Variants in KCNH1 observed in about 807,000 individuals in gnomAD.
The protein encoded by KCNH1 is potassium voltage-gated channel subfamily H member 1.
KCNH1 carries 27 observed loss-of-function variants against 69.2 expected under a neutral mutation model. The ratio of observed to expected loss-of-function variants is 0.39; its 90% CI spans 0.29 to 0.54. The LOEUF (loss-of-function observed/expected upper bound fraction) is 0.54, where lower values mean the gene tolerates loss of function less well. KCNH1 is among the 20% of genes least tolerant of loss of function. KCNH1 has a pLI of 0.68. For missense variants in KCNH1, 798 were observed against 1,261.6 expected (o/e 0.63, Z 5.57); for synonymous variants, 456 against 487.7 (o/e 0.93, Z 0.86).
chr1:210,736,543 C>G (rs541761700), intron 10 of KCNH1, among the ~76,000 whole-genome samples: 11 of 151,608 alleles, frequency 7.3e-5, no homozygotes, highest in African/African-American at 2.7e-4. Flanking sequence ...AACTCCATCC[C>G]CCCTCCAAAA....
chr1:211,040,333 CTCCCAGAAT>C (rs1689971855), intron 5 of KCNH1, among the ~76,000 whole-genome samples: 1 of 152,120 alleles, frequency 6.6e-6, no homozygotes, highest in Admixed American at 6.5e-5. Context: ...TGAATTGTAT[CTCCCAGAAT>C]TCCCATGTGT....
At chr1:210,847,180 C>T (rs1391930037) in intron 7 of KCNH1, among the ~76,000 whole-genome samples, 6 of 152,178 alleles carry the variant, frequency 3.9e-5, no homozygotes, top group Non-Finnish European at 7.4e-5. Flanking sequence ...GGCGATTCCT[C>T]AGGGATCTGG....
rs182105097 is a variant in KCNH1 at position 210,905,073 on chromosome 1, G to C, written c.1462+14567C>G. On this transcript the variant is annotated intron_variant, in intron 7 of 10. Coordinates refer to ENST00000271751, the MANE Select transcript of KCNH1 (RefSeq NM_172362.3). ...AGAAGCAGAGGCAAAGTAGCAGCAC[G>C]AGAGGAAGAAGAGCCATCCCTGAAA... 6.8e-4 allele frequency among the ~76,000 whole-genome samples: 103 copies of C among 152,306 alleles called. No individual in the cohort carries two copies. The East Asian group carries it at 0.014, about 20-fold the overall frequency.
chr1:210,707,302 C>T (rs983142242), intron 10 of KCNH1, among the ~76,000 whole-genome samples: 4 of 152,124 alleles, frequency 2.6e-5, no homozygotes, highest in African/African-American at 9.7e-5. Flanking sequence ...GTCCCCATCT[C>T]CCCCAGCACT....
In KCNH1 at chr1:210,804,135, C is replaced by A; in HGVS notation, c.1494G>T (p.Val498=). ...CATACATCTGTTGGAAAATAGTCGT[C>A]ACATTCCCGAAGATGGTGGCATAGA... The part of the protein sequence containing the change: ...SLLYATIFGN[V]TTIFQQMYAN... The change falls in exon 8 of 11, where the codon GTG becomes GTT. Residue 498 remains valine (V), a synonymous_variant. Transcript: ENST00000271751. 2 of 1,613,780 alleles carry A rather than the reference C, an allele frequency of 1.2e-6. No homozygotes were observed. Among genetic ancestry groups the A allele is most frequent in the Non-Finnish European group, 1.7e-6 (2 of 1,179,830 alleles).
chr1:211,021,568 CAT>C (rs1290412782), intron 5 of KCNH1, among the ~76,000 whole-genome samples: 2 of 123,742 alleles, frequency 1.6e-5, no homozygotes, highest in African/African-American at 6.9e-5. Context: ...TTTAGAGAAA[CAT>C]AGACTACACA....
intron 6 of KCNH1, among the ~76,000 whole-genome samples, chr1:211,005,101 C>T (rs1237795460): frequency 6.6e-6 from 1 of 151,994 alleles, no homozygotes; most frequent in Non-Finnish European, 1.5e-5. Context: ...AACAGCATCA[C>T]TACATATCTT....
intron 10 of KCNH1, among the ~76,000 whole-genome samples, chr1:210,704,920 T>G (rs1439551128): frequency 1.3e-5 from 2 of 152,182 alleles, no homozygotes; most frequent in Non-Finnish European, 2.9e-5. Flanking sequence ...GAAACCTCAT[T>G]GCTGGACTGC....
At chr1:210,685,186 T>C (rs116767983) in intron 10 of KCNH1, among the ~76,000 whole-genome samples, 2,051 of 152,332 alleles carry the variant, frequency 0.013, 59 homozygotes, top group African/African-American at 0.047. Context: ...AATTTCTAGC[T>C]TACATTGCAT....
At chr1:210,884,153 G>A (rs1686553399) in intron 7 of KCNH1, among the ~76,000 whole-genome samples, 1 of 152,176 alleles carries the variant, frequency 6.6e-6, no homozygotes, top group Non-Finnish European at 1.5e-5. Flanking sequence ...TAGAGCCATG[G>A]TCATTACCCT....
intron 10 of KCNH1, among the ~76,000 whole-genome samples, chr1:210,768,909 C>G (rs2102361677): frequency 6.6e-6 from 1 of 152,306 alleles, no homozygotes; most frequent in African/African-American, 2.4e-5. Context: ...TAACATCACT[C>G]ACTGATCCTC....
intron 10 of KCNH1, among the ~76,000 whole-genome samples, chr1:210,685,343 C>T (rs1364868647): frequency 2.0e-5 from 3 of 152,054 alleles, no homozygotes; most frequent in South Asian, 2.1e-4. Flanking sequence ...GAGAGGCCTG[C>T]GGTAAGGGAG....
At chr1:210,877,986 G>C (rs1256621351) in intron 7 of KCNH1, among the ~76,000 whole-genome samples, 1 of 152,072 alleles carries the variant, frequency 6.6e-6, no homozygotes, top group Admixed American at 6.6e-5. Context: ...TCTGGTATAT[G>C]AATTCAATAT....
chr1:210,804,556 G>T (rs1574266494), intron 7 of KCNH1, among the ~76,000 whole-genome samples: 1 of 152,318 alleles, frequency 6.6e-6, no homozygotes, highest in East Asian at 1.9e-4. Context: ...CTAGTCAAAT[G>T]TGTGCCTATG....
At chr1:210,856,271 CCCG>C (rs1176667010) in intron 7 of KCNH1, among the ~76,000 whole-genome samples, 1 of 152,140 alleles carries the variant, frequency 6.6e-6, no homozygotes, top group Non-Finnish European at 1.5e-5. Context: ...CAAACCAGAG[CCCG>C]CCTGGAATAA....
rs181353432 is a variant in KCNH1 at position 211,034,439 on chromosome 1, G to A, written c.559-15183C>T. Among the ~76,000 whole-genome samples the A allele has an allele frequency of 5.3e-3, 793 of 149,414 alleles. 8 individuals carry two copies. The highest frequency in any genetic ancestry group is 0.018 in the African/African-American group (730 of 41,118). ...AGGAGTAAGGGCAGGAAGGAAGGGG[G>A]TGGGGGGTGCCCATAAGAAGGCAAC... On this transcript the variant is annotated intron_variant, in intron 5 of 10. Transcript: ENST00000271751.
rs1300760584 is a variant in KCNH1, at chr1:210,797,598, A to G, written c.1825T>C (p.Tyr609His). ...TVHCAPGDLI[Y>H]HAGESVDSLC... ...CTGTCAACGCTCTCTCCTGCATGGTAGATGAGGTCCCCTGGGGCACAGTGC... is the reference window on the plus strand; with the variant it reads ...CTGTCAACGCTCTCTCCTGCATGGTGGATGAGGTCCCCTGGGGCACAGTGC... Residue 609 changes from tyrosine to histidine, a missense_variant, in exon 9 of 11, where the codon TAC (tyrosine) becomes CAC (histidine). This residue lies in a region of KCNH1 where 197 missense variants were observed against 407.7 expected (regional missense o/e 0.48). Transcript: ENST00000271751. 1.2e-6 allele frequency: 2 copies of G among 1,614,244 alleles called. No individual in the cohort carries two copies. Among genetic ancestry groups the G allele is most frequent in the Non-Finnish European group, 1.7e-6 (2 of 1,180,042 alleles).
At position 210,798,040 on chromosome 1, in the gene KCNH1, CT is replaced by C. The variant is rs540791928; in HGVS notation, c.1663-281del. 0.025 allele frequency among the ~76,000 whole-genome samples: 3,267 copies of C among 131,298 alleles called. 128 individuals carry two copies. Among genetic ancestry groups the C allele is most frequent in the African/African-American group, 0.082 (2,874 of 35,212 alleles). 86.1% of individuals were successfully genotyped at this position (131,298 alleles called of 152,430 possible). A position where few individuals can be genotyped will look rare whatever the true frequency, so the allele number is the denominator to read the frequency against. ...AGAGAAGGCTTCTCTGGGAAGGTGA[CT>C]TTTTTTTTTTTTTTTTAAGACAGAG... On this transcript the variant is annotated intron_variant, in intron 8 of 10. Transcript: ENST00000271751.
intron 6 of KCNH1, among the ~76,000 whole-genome samples, chr1:210,994,744 T>C (rs368763751): frequency 6.2e-4 from 95 of 152,320 alleles, no homozygotes; most frequent in African/African-American, 2.1e-3. Context: ...CTACCTAACT[T>C]TTCAATGTTA....
Sources: allele counts gnomAD v4.1 joint callset (sites outside exome capture counted in the v4.1 genomes callset), GRCh38; gene constraint gnomAD v4.1.1; regional missense constraint gnomAD v4.1.1; transcripts MANE v1.5; gene names NCBI Gene and HGNC (gene_info 2026-07-23, HGNC 2026-07-21).